DPP6: variants seen among roughly 807,000 people sequenced by gnomAD.
The protein encoded by DPP6 is dipeptidyl peptidase like 6, also known as A-type potassium channel modulatory protein DPP6.
DPP6 carries 69 observed loss-of-function variants against 122.6 expected under a neutral mutation model. The observed-to-expected ratio is 0.56, with a 90% CI of 0.46 to 0.69. DPP6 has a LOEUF of 0.69. Ranked by LOEUF, DPP6 falls within the 30% of genes least tolerant of loss-of-function variation. The pLI is 0.00. For synonymous variants in DPP6, 418 were observed against 433.1 expected (o/e 0.97, Z 0.43); for missense variants, 928 against 1,116.9 (o/e 0.83, Z 2.41).
At chr7:153,806,010 A>G in the DPP6 span, among the ~76,000 whole-genome samples, 3 of 150,762 alleles carry the variant, frequency 2.0e-5, no homozygotes, top group East Asian at 5.9e-4. Context: ...ATAAAAAAAA[A>G]TACATATATA....
At chr7:154,245,442 C>G (rs1036421105) in intron 1 of DPP6, among the ~76,000 whole-genome samples, 6 of 151,058 alleles carry the variant, frequency 4.0e-5, no homozygotes, top group African/African-American at 1.5e-4. Context: ...TGAGACAAGC[C>G]TGGCCAACAT....
At chr7:153,972,463 T>C (rs578245655) in intron 1 of DPP6, among the ~76,000 whole-genome samples, 4 of 152,086 alleles carry the variant, frequency 2.6e-5, no homozygotes, top group East Asian at 3.9e-4. Flanking sequence ...TGACCTGTCT[T>C]ATGTGAGGTC....
chr7:154,637,550 A>C (rs1414566135), intron 5 of DPP6, among the ~76,000 whole-genome samples: 1 of 152,218 alleles, frequency 6.6e-6, no homozygotes, highest in Non-Finnish European at 1.5e-5. Flanking sequence ...GTTAAGCCTG[A>C]AATCTGTGCC....
intron 1 of DPP6, among the ~76,000 whole-genome samples, chr7:153,967,506 G>A (rs1205885661): frequency 2.0e-5 from 3 of 152,288 alleles, no homozygotes; most frequent in African/African-American, 7.2e-5. Flanking sequence ...TAGTGATTGG[G>A]GAGGGAGAGT....
chr7:153,775,511 T>C, the DPP6 span, among the ~76,000 whole-genome samples: 1 of 151,844 alleles, frequency 6.6e-6, no homozygotes, highest in Non-Finnish European at 1.5e-5. Context: ...CTAGAAGTCC[T>C]AGTTACGAAA....
At chr7:154,851,461 G>T (rs1802376700) in intron 16 of DPP6, among the ~76,000 whole-genome samples, 1 of 152,130 alleles carries the variant, frequency 6.6e-6, no homozygotes, top group South Asian at 2.1e-4. Flanking sequence ...ATACTTATAG[G>T]TTCTTTATTT....
rs185282821 is a variant in DPP6, at chr7:154,826,142, C to T, written c.1666+19030C>T. 9.8e-5 allele frequency among the ~76,000 whole-genome samples: 15 copies of T among 152,292 alleles called. No individual in the cohort carries two copies. The East Asian group carries it at 1.7e-3, about 18-fold the overall frequency. ...TGAGCAGTTCCAATCCTGCACATTC[C>T]GAGTTTGGCACAGTGTATGAGTTTA... On this transcript the variant is annotated intron_variant, in intron 16 of 25. Coordinates refer to ENST00000377770, the MANE Select transcript of DPP6 (RefSeq NM_130797.4).
intron 7 of DPP6, among the ~76,000 whole-genome samples, chr7:154,691,878 TAGTATC>T (rs1839952085): frequency 6.6e-6 from 1 of 151,958 alleles, no homozygotes; most frequent in Non-Finnish European, 1.5e-5. Flanking sequence ...AAGCAAATAA[TAGTATC>T]AGAGGTACTC....
intron 16 of DPP6, among the ~76,000 whole-genome samples, chr7:154,837,207 C>T (rs534196899): frequency 6.7e-6 from 1 of 149,460 alleles, no homozygotes; most frequent in African/African-American, 2.6e-5. Context: ...CGCACATTCA[C>T]ACATGCACAC....
At chr7:154,132,822 G>A (rs1196253785) in intron 1 of DPP6, among the ~76,000 whole-genome samples, 2 of 151,850 alleles carry the variant, frequency 1.3e-5, no homozygotes, top group South Asian at 2.1e-4. Flanking sequence ...TCCCCCTCCC[G>A]GTATATACAG....
In DPP6 at chr7:154,373,184, T is replaced by C. The variant is rs137951129; in HGVS notation, c.244-73030T>C. Among the ~76,000 whole-genome samples, 504 of 152,352 alleles carry C rather than the reference T, an allele frequency of 3.3e-3. 13 individuals carry two copies. Among genetic ancestry groups the C allele is most frequent in the Admixed American group, 0.025 (376 of 15,302 alleles). On this transcript the variant is annotated intron_variant, in intron 1 of 25. Coordinates refer to ENST00000377770, the MANE Select transcript of DPP6 (RefSeq NM_130797.4). ...CTCAATTATGGTCTTAGTTGTGTGC[T>C]TAAAGGGAGTAAACTTAGAATGTGA...
intron 1 of DPP6, among the ~76,000 whole-genome samples, chr7:154,151,367 C>T (rs1303104330): frequency 2.6e-5 from 4 of 152,200 alleles, no homozygotes; most frequent in African/African-American, 9.6e-5. Context: ...CCAGAGCCTC[C>T]TCAGCACTGA....
intron 5 of DPP6, among the ~76,000 whole-genome samples, chr7:154,613,231 G>A (rs919633401): frequency 6.6e-6 from 1 of 152,140 alleles, no homozygotes; most frequent in Non-Finnish European, 1.5e-5. Context: ...GGTATGTAAT[G>A]ACATTTACTT....
intron 3 of DPP6, among the ~76,000 whole-genome samples, chr7:154,534,717 G>T (rs778211419): frequency 6.6e-6 from 1 of 152,136 alleles, no homozygotes; most frequent in South Asian, 2.1e-4. Context: ...AGCTAAGAAC[G>T]ATCTAAACAA....
intron 1 of DPP6, among the ~76,000 whole-genome samples, chr7:154,313,710 T>TATATATATATATATATATATGC (rs1807138918): frequency 1.9e-4 from 3 of 16,190 alleles, no homozygotes; most frequent in Non-Finnish European, 2.4e-4. Context: ...TATATATATA[T>TATATATATATATATATATATGC]ATATACACAC....
chr7:153,864,767 T>C, the DPP6 span, among the ~76,000 whole-genome samples: 1 of 151,976 alleles, frequency 6.6e-6, no homozygotes, highest in Non-Finnish European at 1.5e-5. Context: ...GTATGTGTTA[T>C]GTAGGCTTCA....
chr7:154,692,781 CTTT>C (rs200799193), intron 7 of DPP6, among the ~76,000 whole-genome samples: 11 of 141,458 alleles, frequency 7.8e-5, no homozygotes, highest in Admixed American at 2.1e-4. Flanking sequence ...TTCTCTCTCT[CTTT>C]TTTTTTTTTT....
At position 154,313,685 on chromosome 7, in the gene DPP6, G is replaced by GTGTGTGTGTGTGTATA; in HGVS notation, c.244-132528_244-132527insGTGTGTGTGTGTATAT. ...AAGCAACAAGATATTTTAAGATATG[G>GTGTGTGTGTGTGTATA]TATATATATATATATATATATATAT... On this transcript the variant is annotated intron_variant, in intron 1 of 25. Coordinates refer to ENST00000377770, the MANE Select transcript of DPP6 (RefSeq NM_130797.4). 5.4e-3 allele frequency among the ~76,000 whole-genome samples: 110 copies of GTGTGTGTGTGTGTATA among 20,470 alleles called. 1 individual carries two copies. The highest frequency in any genetic ancestry group is 7.6e-3 in the Non-Finnish European group (69 of 9,022). 13.4% of individuals were successfully genotyped at this position (20,470 alleles called of 152,430 possible). A position where few individuals can be genotyped will look rare whatever the true frequency, so the allele number is the denominator to read the frequency against.
chr7:154,157,657 G>T (rs1373794998), intron 1 of DPP6, among the ~76,000 whole-genome samples: 1 of 152,118 alleles, frequency 6.6e-6, no homozygotes, highest in Non-Finnish European at 1.5e-5. Flanking sequence ...ATTTGGGCTG[G>T]GTACGGTGGC....
Sources: allele counts gnomAD v4.1 joint callset (sites outside exome capture counted in the v4.1 genomes callset), GRCh38; gene constraint gnomAD v4.1.1; transcripts MANE v1.5; gene names NCBI Gene and HGNC (gene_info 2026-07-23, HGNC 2026-07-21).